Variants in ITPR2 observed in about 807,000 individuals in gnomAD.
ITPR2 encodes inositol 1,4,5-trisphosphate receptor type 2.
ITPR2 carries 207 observed loss-of-function variants against 317.1 expected under a neutral mutation model. That is an observed-to-expected ratio of 0.65 (90% CI 0.58 to 0.73). The LOEUF (loss-of-function observed/expected upper bound fraction) is 0.73, where lower values mean the gene tolerates loss of function less well. ITPR2 is among the 30% of genes least tolerant of loss of function. ITPR2 has a pLI of 0.00. For missense variants in ITPR2, 2,613 were observed against 3,284.0 expected (o/e 0.80, Z 4.99); for synonymous variants, 1,156 against 1,149.1 (o/e 1.01, Z -0.12).
chr12:26,395,307 ACACTT>A (rs1939959785), intron 54 of ITPR2, among the ~76,000 whole-genome samples: 1 of 152,086 alleles, frequency 6.6e-6, no homozygotes, highest in African/African-American at 2.4e-5. Context: ...AGATTCAAGA[ACACTT>A]CAATTTGTTG....
chr12:26,493,807 G>A (rs991363826), intron 39 of ITPR2, among the ~76,000 whole-genome samples: 9 of 152,252 alleles, frequency 5.9e-5, no homozygotes, highest in Middle Eastern at 3.4e-3. Flanking sequence ...TTTGGGTGTC[G>A]TCAACCCTAC....
chr12:26,635,233 T>C (rs151277718), intron 21 of ITPR2, among the ~76,000 whole-genome samples: 1,944 of 152,338 alleles, frequency 0.013, 18 homozygotes, highest in South Asian at 0.031. Context: ...GTGATCACAC[T>C]ATTGGGTTCA....
At chr12:26,742,350 A>G (rs189612880) in intron 2 of ITPR2, among the ~76,000 whole-genome samples, 186 of 152,380 alleles carry the variant, frequency 1.2e-3, no homozygotes, top group African/African-American at 4.0e-3. Flanking sequence ...ACAAAGAAAC[A>G]GCCACAACAG....
chr12:26,753,862 G>C (rs1395839205), intron 2 of ITPR2, among the ~76,000 whole-genome samples: 1 of 152,132 alleles, frequency 6.6e-6, no homozygotes, highest in Non-Finnish European at 1.5e-5. Flanking sequence ...AATGGATGAG[G>C]TTTCCCTCTT....
chr12:26,772,435 C>T (rs5023143), intron 2 of ITPR2, among the ~76,000 whole-genome samples: 211 of 81,378 alleles, frequency 2.6e-3, no homozygotes, highest in African/African-American at 3.6e-3. Context: ...ATATATAATA[C>T]ATGTATTATA....
At chr12:26,349,873 T>A (rs1938426221) in intron 55 of ITPR2, among the ~76,000 whole-genome samples, 1 of 152,202 alleles carries the variant, frequency 6.6e-6, no homozygotes, top group South Asian at 2.1e-4. Context: ...AAAGTGCCCA[T>A]GAAGGAGGAG....
At chr12:26,819,760 A>G (rs896411144) in intron 1 of ITPR2, among the ~76,000 whole-genome samples, 2 of 149,704 alleles carry the variant, frequency 1.3e-5, no homozygotes, top group Admixed American at 6.6e-5. Flanking sequence ...TAGCATGCAA[A>G]TCATTAAAAA....
At chr12:26,462,959 A>T (rs562480213) in intron 45 of ITPR2, among the ~76,000 whole-genome samples, 18 of 152,212 alleles carry the variant, frequency 1.2e-4, no homozygotes, top group Non-Finnish European at 2.5e-4. Context: ...GGTGTAAGCC[A>T]CGGTGCCTGA....
chr12:26,619,471 A>G (rs11048619), intron 26 of ITPR2, among the ~76,000 whole-genome samples: 75,240 of 151,860 alleles, frequency 0.5, 18,915 homozygotes, highest in Middle Eastern at 0.58. Flanking sequence ...CTAATCCTGT[A>G]CTCCACTGGT....
chr12:26,611,724 T>C (rs749703612), intron 26 of ITPR2, among the ~76,000 whole-genome samples: 1 of 152,206 alleles, frequency 6.6e-6, no homozygotes. Context: ...AGCACTGCAA[T>C]GCCCACGTGA....
intron 1 of ITPR2, among the ~76,000 whole-genome samples, chr12:26,829,887 G>A (rs1951071899): frequency 6.6e-6 from 1 of 152,034 alleles, no homozygotes; most frequent in East Asian, 1.9e-4. Context: ...ACCAATAGCA[G>A]CATTTCTTTT....
chr12:26,401,465 T>A (rs1480459313), intron 52 of ITPR2, among the ~76,000 whole-genome samples: 1 of 152,126 alleles, frequency 6.6e-6, no homozygotes, highest in Non-Finnish European at 1.5e-5. Context: ...GACAGAAAAA[T>A]TCCTATTCTT....
intron 52 of ITPR2, among the ~76,000 whole-genome samples, chr12:26,403,877 T>C (rs1179936800): frequency 6.6e-6 from 1 of 151,992 alleles, no homozygotes; most frequent in Non-Finnish European, 1.5e-5. Flanking sequence ...CCAGTAAGTA[T>C]GGGTGAGAGG....
chr12:26,364,932 G>C (rs1415894626), intron 55 of ITPR2, among the ~76,000 whole-genome samples: 1 of 152,158 alleles, frequency 6.6e-6, no homozygotes, highest in Admixed American at 6.5e-5. Flanking sequence ...TGTCCTGAGA[G>C]ACCATCTGAT....
intron 2 of ITPR2, among the ~76,000 whole-genome samples, chr12:26,732,930 T>A (rs1396270673): frequency 6.6e-6 from 1 of 152,224 alleles, no homozygotes; most frequent in East Asian, 1.9e-4. Flanking sequence ...TCATTTTTAT[T>A]ACCAAATACT....
At chr12:26,586,351 T>G (rs1266915393) in intron 32 of ITPR2, among the ~76,000 whole-genome samples, 1 of 152,172 alleles carries the variant, frequency 6.6e-6, no homozygotes, top group East Asian at 1.9e-4. Context: ...TTGCCCAGGC[T>G]GGGTCTCAAG....
intron 55 of ITPR2, among the ~76,000 whole-genome samples, chr12:26,340,745 G>T (rs896767158): frequency 6.6e-6 from 1 of 152,128 alleles, no homozygotes; most frequent in African/African-American, 2.4e-5. Context: ...AGTGGTAAAA[G>T]AAATGTTTCA....
At chr12:26,700,850 C>T (rs1948432001) in intron 9 of ITPR2, among the ~76,000 whole-genome samples, 1 of 152,190 alleles carries the variant, frequency 6.6e-6, no homozygotes, top group Admixed American at 6.5e-5. Context: ...TTTGCAGAGA[C>T]AGAATCAGTA....
Position 26,339,484 on chromosome 12 carries a change from CT to C in ITPR2, c.8020-2del. ...GCTTATTCTTCCTTTGTTCTGTCAT[CT>C]GGGGGAAAAGAGAGAGTGTGTGTTC... On this transcript the variant is annotated splice_acceptor_variant, in intron 56 of 56. Transcript: ENST00000381340. LOFTEE classifies it high-confidence loss of function. 1 of 1,613,342 alleles carries C rather than the reference CT, an allele frequency of 6.2e-7. No homozygotes were observed. The highest frequency in any genetic ancestry group is 8.5e-7 in the Non-Finnish European group (1 of 1,179,440).
Sources: gnomAD v4.1 joint callset for allele counts (sites outside exome capture counted in the v4.1 genomes callset) on GRCh38, gnomAD v4.1.1 for gene constraint, MANE v1.5 for transcripts, NCBI Gene and HGNC (gene_info 2026-07-23, HGNC 2026-07-21) for gene names.